Variants in PTPRD observed in about 807,000 individuals in gnomAD.
PTPRD encodes the protein receptor-type tyrosine-protein phosphatase delta.
PTPRD carries 34 observed loss-of-function variants against 214.5 expected under a neutral mutation model. The observed-to-expected ratio is 0.16, with a 90% CI of 0.12 to 0.21. The LOEUF (loss-of-function observed/expected upper bound fraction) is 0.21. PTPRD is among the 10% of genes least tolerant of loss of function. The pLI is 1.00. For missense variants in PTPRD, 2,545 were observed against 2,398.7 expected, an observed-to-expected ratio of 1.06 and a Z score of -1.27; for synonymous variants, 1,128 against 845.7, an observed-to-expected ratio of 1.33 and a Z score of -5.79.
chr9:8,726,453 C>T lies in PTPRD; in HGVS notation c.64+7327G>A, dbSNP rs569890131. On this transcript the variant is annotated intron_variant, in intron 12 of 45. Transcript: ENST00000381196. ...AAATATAAAAATTAGCCAAGAAGGC[C>T]GGGTGTGGTGGCTAACGCCTATAAT... Among the ~76,000 whole-genome samples, 216 of 147,542 alleles carry T rather than the reference C, an allele frequency of 1.5e-3. 1 individual carries two copies. Among genetic ancestry groups the T allele is most frequent in the African/African-American group, 5.3e-3 (212 of 39,958 alleles).
chr9:9,542,857 GT>G (rs1479927059), intron 8 of PTPRD, among the ~76,000 whole-genome samples: 3 of 151,648 alleles, frequency 2.0e-5, no homozygotes, highest in Non-Finnish European at 3.0e-5. Flanking sequence ...AATTCTAAGG[GT>G]TTTGTGCTGC....
At chr9:8,330,825 AT>A (rs774817176) in intron 44 of PTPRD, among the ~76,000 whole-genome samples, 10 of 150,902 alleles carry the variant, frequency 6.6e-5, no homozygotes, top group African/African-American at 1.2e-4. Context: ...AGCAAAATAT[AT>A]TTTTTAATAA....
chr9:9,387,938 C>T (rs1348294188), intron 9 of PTPRD, among the ~76,000 whole-genome samples: 2 of 152,170 alleles, frequency 1.3e-5, no homozygotes, highest in African/African-American at 4.8e-5. Flanking sequence ...AGTTTCCCAC[C>T]TATAGGTGGC....
At chr9:9,834,363 G>A (rs1053712028) in intron 5 of PTPRD, among the ~76,000 whole-genome samples, 5 of 152,012 alleles carry the variant, frequency 3.3e-5, no homozygotes, top group Non-Finnish European at 7.4e-5. Flanking sequence ...ATGGATTATT[G>A]CATAGTGGCT....
intron 7 of PTPRD, among the ~76,000 whole-genome samples, chr9:9,622,951 C>CTATG (rs1267710846): frequency 6.6e-6 from 1 of 152,110 alleles, no homozygotes; most frequent in Non-Finnish European, 1.5e-5. Flanking sequence ...GATAGGTTAC[C>CTATG]TATGCCTCCT....
At chr9:10,327,729 A>T (rs1451261691) in intron 3 of PTPRD, among the ~76,000 whole-genome samples, 1 of 151,792 alleles carries the variant, frequency 6.6e-6, no homozygotes, top group Non-Finnish European at 1.5e-5. Context: ...AAACCTCCTG[A>T]GGAAGAAAGT....
chr9:10,135,336 C>T (rs775020213), intron 3 of PTPRD, among the ~76,000 whole-genome samples: 5 of 152,060 alleles, frequency 3.3e-5, no homozygotes, highest in Non-Finnish European at 7.4e-5. Context: ...TTTTCCCAAT[C>T]TCATTAGAGA....
At chr9:10,394,591 G>A (rs1291370242) in intron 2 of PTPRD, among the ~76,000 whole-genome samples, 2 of 151,728 alleles carry the variant, frequency 1.3e-5, no homozygotes, top group African/African-American at 4.8e-5. Flanking sequence ...CCAAAACCAC[G>A]TAGTCTATCC....
At chr9:10,580,507 T>C (rs1173435872) in intron 2 of PTPRD, among the ~76,000 whole-genome samples, 1 of 152,188 alleles carries the variant, frequency 6.6e-6, no homozygotes, top group Non-Finnish European at 1.5e-5. Context: ...TTTAATTGCA[T>C]AAAATTTTGT....
At chr9:8,854,191 G>C (rs576419225) in intron 11 of PTPRD, among the ~76,000 whole-genome samples, 14 of 152,204 alleles carry the variant, frequency 9.2e-5, no homozygotes, top group African/African-American at 3.4e-4. Flanking sequence ...AAGGCTTTCT[G>C]CATAGATATT....
intron 10 of PTPRD, among the ~76,000 whole-genome samples, chr9:9,021,767 A>T (rs2099570542): frequency 6.6e-6 from 1 of 152,180 alleles, no homozygotes; most frequent in Non-Finnish European, 1.5e-5. Context: ...AAAAAGTTTT[A>T]AGTACACAAA....
intron 3 of PTPRD, among the ~76,000 whole-genome samples, chr9:10,180,247 A>G (rs2099274266): frequency 6.6e-6 from 1 of 152,082 alleles, no homozygotes; most frequent in African/African-American, 2.4e-5. Context: ...GGCAACAGGA[A>G]GACCTAAAGC....
chr9:9,536,678 A>T (rs2071340211), intron 8 of PTPRD, among the ~76,000 whole-genome samples: 2 of 151,986 alleles, frequency 1.3e-5, no homozygotes, highest in African/African-American at 4.8e-5. Context: ...TTTTAGTCTA[A>T]GCCTACATCA....
At chr9:9,324,840 C>A (rs1467368869) in intron 9 of PTPRD, among the ~76,000 whole-genome samples, 1 of 152,172 alleles carries the variant, frequency 6.6e-6, no homozygotes, top group Admixed American at 6.5e-5. Flanking sequence ...ACATGTAAGT[C>A]TTTAATCCAT....
chr9:8,960,129 A>G (rs146552198), intron 11 of PTPRD, among the ~76,000 whole-genome samples: 12 of 152,216 alleles, frequency 7.9e-5, no homozygotes, highest in African/African-American at 2.9e-4. Context: ...GGGACAAGTC[A>G]CATAACTTCT....
At chr9:9,235,892 A>T (rs183831897) in intron 9 of PTPRD, among the ~76,000 whole-genome samples, 1 of 152,266 alleles carries the variant, frequency 6.6e-6, no homozygotes, top group East Asian at 1.9e-4. Context: ...GATATTCTAA[A>T]CATGGAAAGT....
intron 11 of PTPRD, among the ~76,000 whole-genome samples, chr9:8,928,342 C>G (rs988802322): frequency 6.6e-6 from 1 of 152,116 alleles, no homozygotes; most frequent in Admixed American, 6.6e-5. Context: ...TTAGGTCTAA[C>G]ATTTAAGTCT....
At chr9:9,439,219 GA>G (rs1328889852) in intron 8 of PTPRD, among the ~76,000 whole-genome samples, 1 of 151,898 alleles carries the variant, frequency 6.6e-6, no homozygotes, top group African/African-American at 2.4e-5. Flanking sequence ...ATAGAAGTTT[GA>G]AGCATAAGAA....
intron 11 of PTPRD, among the ~76,000 whole-genome samples, chr9:8,969,399 A>T (rs543824718): frequency 2.0e-5 from 3 of 152,068 alleles, no homozygotes; most frequent in Non-Finnish European, 4.4e-5. Flanking sequence ...TTTTCCTCAA[A>T]TATGAAAGGA....
Sources: allele counts gnomAD v4.1 joint callset (sites outside exome capture counted in the v4.1 genomes callset), GRCh38; gene constraint gnomAD v4.1.1; transcripts MANE v1.5; gene names NCBI Gene and HGNC (gene_info 2026-07-23, HGNC 2026-07-21).